The following C1QTNF3 variants were observed in gnomAD, a reference collection of about 807,000 sequenced individuals.
C1QTNF3 encodes the protein complement C1q tumor necrosis factor-related protein 3.
C1QTNF3 carries 26 observed loss-of-function variants against 32.6 expected under a neutral mutation model. The ratio of observed to expected loss-of-function variants is 0.80; its 90% CI spans 0.58 to 1.11. C1QTNF3 has a LOEUF of 1.11. Ranked by LOEUF, C1QTNF3 falls within the 50% of genes least tolerant of loss-of-function variation. C1QTNF3 has a pLI of 0.00. For missense variants in C1QTNF3, 362 were observed against 398.2 expected (o/e 0.91, Z 0.77); for synonymous variants, 155 against 146.0 (o/e 1.06, Z -0.44).
the C1QTNF3 span, among the ~76,000 whole-genome samples, chr5:34,161,970 C>A: frequency 6.6e-6 from 1 of 152,070 alleles, no homozygotes; most frequent in Non-Finnish European, 1.5e-5. Context: ...ATCCATGCAT[C>A]AATTTTCATT....
chr5:34,076,558 T>C, the C1QTNF3 span, among the ~76,000 whole-genome samples: 1 of 151,520 alleles, frequency 6.6e-6, no homozygotes, highest in African/African-American at 2.4e-5. Context: ...AAAATTTGGG[T>C]CACAGAATTT....
chr5:34,225,584 AC>A, the C1QTNF3 span, among the ~76,000 whole-genome samples: 1 of 151,712 alleles, frequency 6.6e-6, no homozygotes, highest in South Asian at 2.1e-4. Context: ...GCAGCAATTG[AC>A]CCCTCTGTAC....
At chr5:34,070,876 G>A in the C1QTNF3 span, among the ~76,000 whole-genome samples, 184 of 152,084 alleles carry the variant, frequency 1.2e-3, no homozygotes, top group Non-Finnish European at 2.2e-3. Flanking sequence ...CAGTAAAGTC[G>A]CCCTCAATCT....
chr5:34,213,181 C>T, the C1QTNF3 span, among the ~76,000 whole-genome samples: 15 of 152,172 alleles, frequency 9.9e-5, no homozygotes, highest in South Asian at 3.1e-3. Context: ...ACAACGTTTA[C>T]ATCAATAAGA....
chr5:34,243,475 G>A, the C1QTNF3 span, among the ~76,000 whole-genome samples: 3 of 151,972 alleles, frequency 2.0e-5, no homozygotes, highest in African/African-American at 7.3e-5. Flanking sequence ...TATATTCAAA[G>A]GAAAATAAAT....
the C1QTNF3 span, among the ~76,000 whole-genome samples, chr5:34,137,518 CAA>C: frequency 6.6e-6 from 1 of 152,060 alleles, no homozygotes; most frequent in South Asian, 2.1e-4. Context: ...AGTATTTTTT[CAA>C]AGTCTGAAAT....
At chr5:34,165,503 G>C in the C1QTNF3 span, 5 of 152,076 alleles carry the variant, frequency 3.3e-5, no homozygotes, top group African/African-American at 4.8e-5. Context: ...GCTGAACACA[G>C]CATCTGGTAT....
the C1QTNF3 span, among the ~76,000 whole-genome samples, chr5:34,055,144 C>T: frequency 6.6e-6 from 1 of 152,210 alleles, no homozygotes; most frequent in African/African-American, 2.4e-5. Context: ...TTGGTGGAGT[C>T]AGACCTTACA....
At chr5:34,125,385 A>C in the C1QTNF3 span, among the ~76,000 whole-genome samples, 4 of 152,322 alleles carry the variant, frequency 2.6e-5, no homozygotes, top group South Asian at 4.1e-4. Flanking sequence ...AATAATTAAC[A>C]AAGTATACAT....
the C1QTNF3 span, among the ~76,000 whole-genome samples, chr5:34,072,371 GAGAAAGAAAGAAAGAA>G: frequency 3.3e-4 from 39 of 117,684 alleles, no homozygotes; most frequent in African/African-American, 7.1e-4. Context: ...AAAAAAGAAA[GAGAAAGAAAGAAAGAA>G]AGAAAGAAAG....
the C1QTNF3 span, among the ~76,000 whole-genome samples, chr5:34,102,576 T>C: frequency 6.6e-6 from 1 of 151,878 alleles, no homozygotes; most frequent in Non-Finnish European, 1.5e-5. Flanking sequence ...CAAAATGAAC[T>C]GTAAGAAAAA....
At chr5:34,218,724 T>C in the C1QTNF3 span, among the ~76,000 whole-genome samples, 5 of 152,234 alleles carry the variant, frequency 3.3e-5, no homozygotes, top group South Asian at 1.0e-3. Context: ...TAAAATTCTC[T>C]CTAGAACTCT....
the C1QTNF3 span, among the ~76,000 whole-genome samples, chr5:34,132,057 G>A: frequency 1.3e-5 from 2 of 152,108 alleles, no homozygotes; most frequent in South Asian, 2.1e-4. Flanking sequence ...GTGATGACTC[G>A]TGTGATAACT....
At chr5:34,046,429 G>T (rs1055774173), upstream of C1QTNF3, among the ~76,000 whole-genome samples, 1 of 152,214 alleles carries the variant, frequency 6.6e-6, no homozygotes, top group East Asian at 1.9e-4. Context: ...TATAAAAAGG[G>T]AGAACTTAGA....
chr5:34,178,040 G>A, the C1QTNF3 span, among the ~76,000 whole-genome samples: 1 of 149,652 alleles, frequency 6.7e-6, no homozygotes, highest in Non-Finnish European at 1.5e-5. Context: ...GCCAAGGCAG[G>A]TGGATCGCTT....
the C1QTNF3 span, among the ~76,000 whole-genome samples, chr5:34,079,666 T>A: frequency 6.6e-6 from 1 of 151,548 alleles, no homozygotes; most frequent in Non-Finnish European, 1.5e-5. Flanking sequence ...ATTATGCTGG[T>A]GAAATAAGCC....
the C1QTNF3 span, among the ~76,000 whole-genome samples, chr5:34,240,460 T>C: frequency 1.3e-5 from 2 of 150,704 alleles, no homozygotes; most frequent in African/African-American, 2.4e-5. Context: ...CCCACAGACA[T>C]ACAAAATAAT....
the C1QTNF3 span, among the ~76,000 whole-genome samples, chr5:34,116,251 A>C: frequency 1.3e-5 from 2 of 152,104 alleles, no homozygotes; most frequent in African/African-American, 4.8e-5. Context: ...AATTTTAAAA[A>C]ATTTTATTGA....
the C1QTNF3 span, among the ~76,000 whole-genome samples, chr5:34,093,981 A>G: frequency 6.6e-6 from 1 of 152,204 alleles, no homozygotes; most frequent in African/African-American, 2.4e-5. Flanking sequence ...CTTCCTGGTC[A>G]TAAGAAAACA....
Sources: allele counts gnomAD v4.1 joint callset (sites outside exome capture counted in the v4.1 genomes callset), GRCh38; gene constraint gnomAD v4.1.1; transcripts MANE v1.5; gene names NCBI Gene and HGNC (gene_info 2026-07-23, HGNC 2026-07-21).